The following CTSW variants were observed in gnomAD, a reference collection of about 807,000 sequenced individuals.
CTSW encodes the protein cathepsin W.
Under a neutral mutation model 43.8 loss-of-function variants are expected in CTSW, and 42 were observed. The ratio of observed to expected loss-of-function variants is 0.96; its 90% CI spans 0.75 to 1.24. The LOEUF is 1.24. Among genes scored for constraint, CTSW ranks in the 50% most tolerant of loss-of-function variants. The pLI, the probability that CTSW is intolerant of heterozygous loss-of-function variation, is 0.00. For synonymous variants in CTSW, 191 were observed against 184.8 expected (o/e 1.03, Z -0.27); for missense variants, 475 against 479.9 (o/e 0.99, Z 0.09).
At chr11:65,881,153 C>T (rs924036665) in intron 2 of CTSW, among the ~76,000 whole-genome samples, 6 of 152,140 alleles carry the variant, frequency 3.9e-5, no homozygotes, top group South Asian at 2.1e-4. Context: ...TCACCACCAC[C>T]GGACCCCTTG....
chr11:65,880,958 ACCCCTG>A (rs577066728), intron 2 of CTSW, among the ~76,000 whole-genome samples: 221 of 151,936 alleles, frequency 1.5e-3, no homozygotes, highest in Non-Finnish European at 2.6e-3. Context: ...CCATGATCTA[ACCCCTG>A]CCCCTGCCCT....
At chr11:65,880,143 G>A in intron 1 of CTSW, 59 bp from the exon 2 acceptor site, 1 of 1,523,320 alleles carries the variant, frequency 6.6e-7, no homozygotes, top group East Asian at 2.3e-5. Context: ...GAACTAAGGT[G>A]GGGCCCCAGC....
chr11:65,883,382 C>A lies in CTSW; in HGVS notation c.978C>A (p.Tyr326Ter). The change falls in exon 9 of 10, where the codon TAC becomes TAA. Residue 326 changes from tyrosine (Y) to a stop codon, truncating the protein, a stop_gained. Transcript: ENST00000307886. LOFTEE classifies it low-confidence loss of function (END_TRUNC). ...CTCAGCCTCCACACCCCACCCCATA[C>A]TGGATCCTGAAGAACTCCTGGGGGG... ...SQPQPPHPTP[Y>*]WILKNSWGAQ... 6.2e-7 allele frequency: 1 copy of A among 1,614,126 alleles called. No individual in the cohort carries two copies. Among genetic ancestry groups the A allele is most frequent in the South Asian group, 1.1e-5 (1 of 91,080 alleles).
At position 65,881,504 on chromosome 11, in the gene CTSW, A is replaced by G. The variant is rs1367371202; in HGVS notation, c.270A>G (p.Pro90=). 3 of 1,608,002 alleles carry G rather than the reference A, an allele frequency of 1.9e-6. No homozygotes were observed. Among genetic ancestry groups the G allele is most frequent in the East Asian group, 2.2e-5 (1 of 44,592 alleles). The part of the protein sequence containing the change: ...DLGTAEFGVT[P]FSDLTEEEFG... ...GCACAGCTGAGTTTGGGGTGACTCC[A>G]TTCAGTGACCTCACAGGTACCATTA... Residue 90 remains proline (P), a synonymous_variant, in exon 3 of 10, where the codon CCA becomes CCG. Coordinates refer to ENST00000307886, the MANE Select transcript of CTSW (RefSeq NM_001335.4).
In CTSW at chr11:65,883,713, A is replaced by G. The variant is rs994347735; in HGVS notation, c.*95A>G. On this transcript the variant is annotated 3_prime_UTR_variant, in exon 10 of 10. Coordinates refer to ENST00000307886, the MANE Select transcript of CTSW (RefSeq NM_001335.4). ...TTGCCCATCCTCCCAATCTCAATACAGCCTGAATAAACCAAGACAAGACCT... is the reference window on the plus strand; with the variant it reads ...TTGCCCATCCTCCCAATCTCAATACGGCCTGAATAAACCAAGACAAGACCT... 4.3e-5 allele frequency: 49 copies of G among 1,138,274 alleles called. No individual in the cohort carries two copies. Among genetic ancestry groups the G allele is most frequent in the Non-Finnish European group, 5.3e-5 (41 of 772,548 alleles). 70.5% of individuals were successfully genotyped at this position (1,138,274 alleles called of 1,614,324 possible). A position where few individuals can be genotyped will look rare whatever the true frequency, so the allele number is the denominator to read the frequency against.
Position 65,883,715 on chromosome 11 carries a change from C to A in CTSW, c.*97C>A. ...GCCCATCCTCCCAATCTCAATACAG[C>A]CTGAATAAACCAAGACAAGACCTCT... On this transcript the variant is annotated 3_prime_UTR_variant, in exon 10 of 10. Transcript: ENST00000307886. 1.8e-6 allele frequency: 2 copies of A among 1,094,034 alleles called. No individual in the cohort carries two copies. Among genetic ancestry groups the A allele is most frequent in the Non-Finnish European group, 2.7e-6 (2 of 734,338 alleles). 67.8% of individuals were successfully genotyped at this position (1,094,034 alleles called of 1,614,324 possible). A position where few individuals can be genotyped will look rare whatever the true frequency, so the allele number is the denominator to read the frequency against.
chr11:65,882,952 G>T, intron 7 of CTSW, 48 bp downstream of exon 7: 1 of 1,612,758 alleles, frequency 6.2e-7, no homozygotes, highest in South Asian at 1.1e-5. Flanking sequence ...CAGACACCGG[G>T]GCAGAGGCAG....
At chr11:65,881,323 T>A in intron 2 of CTSW, 84 bp from the exon 3 acceptor site, 1 of 840,678 alleles carries the variant, frequency 1.2e-6, no homozygotes, top group Non-Finnish European at 1.8e-6. Flanking sequence ...TGGGTGGGTG[T>A]GGGTGGAAGG....
In CTSW at chr11:65,883,142, G is replaced by C; in HGVS notation, c.810+9G>C. The C allele has an allele frequency of 6.2e-7, 1 of 1,614,038 alleles. No individual in the cohort carries two copies. ...ACATGAAGCCCCTTCAGGTGAGATG[G>C]GGGAGCTGATGGGGAAGGGGCATAC... On this transcript the variant is annotated intron_variant, in intron 8 of 9. Transcript: ENST00000307886.
intron 2 of CTSW, among the ~76,000 whole-genome samples, chr11:65,880,961 C>T (rs781662621): frequency 2.0e-5 from 3 of 151,760 alleles, no homozygotes; most frequent in South Asian, 2.1e-4. Flanking sequence ...TGATCTAACC[C>T]CTGCCCCTGC....
intron 2 of CTSW, 41 bp from the exon 3 acceptor site, chr11:65,881,366 G>T: frequency 6.9e-7 from 1 of 1,444,128 alleles, no homozygotes; most frequent in Admixed American, 2.1e-5. Context: ...CTGCCCCTAA[G>T]GGCTTGGGAG....
intron 1 of CTSW, 88 bp from the exon 2 acceptor site, chr11:65,880,114 C>A: frequency 7.6e-7 from 1 of 1,324,296 alleles, no homozygotes; most frequent in Non-Finnish European, 1.1e-6. Flanking sequence ...GACCCCTAGC[C>A]CAGTCCTTGC....
chr11:65,880,067 C>G lies in CTSW; in HGVS notation c.87+126C>G, dbSNP rs555201545. 63 of 1,184,060 alleles carry G rather than the reference C, an allele frequency of 5.3e-5. No individual in the cohort carries two copies. In the East Asian group the frequency reaches 1.5e-3, roughly 27 times the overall value. The allele number at this position is 1,184,060 out of a possible 1,614,324, so 73.3% of individuals were successfully genotyped here. A position where few individuals can be genotyped will look rare whatever the true frequency, so the allele number is the denominator to read the frequency against. On this transcript the variant is annotated intron_variant, in intron 1 of 9. Coordinates refer to ENST00000307886, the MANE Select transcript of CTSW (RefSeq NM_001335.4). ...AGGCTGGAGAGGGGGCTGACGTGCC[C>G]AAGGGCACATGGGAAGACAGAAAAG...
At chr11:65,880,181 C>T in intron 1 of CTSW, 21 bp from the exon 2 acceptor site, 1 of 1,608,696 alleles carries the variant, frequency 6.2e-7, no homozygotes, top group Non-Finnish European at 8.5e-7. Flanking sequence ...CTGCCCCTCT[C>T]CACCCTTGGT....
intron 6 of CTSW, 36 bp downstream of exon 6, chr11:65,882,725 G>C (rs1201290133): frequency 6.2e-7 from 1 of 1,614,206 alleles, no homozygotes; most frequent in Non-Finnish European, 8.5e-7. Flanking sequence ...GACATCTGCA[G>C]GGGGACAGGG....
At chr11:65,880,611 G>A in intron 2 of CTSW, 1 of 262,476 alleles carries the variant, frequency 3.8e-6, no homozygotes, top group Admixed American at 5.2e-5. Context: ...GTAAGCCACG[G>A]AGCCCAGCCA....
In CTSW at chr11:65,882,420, C is replaced by A. The variant is rs1860120664; in HGVS notation, c.442-10C>A. The A allele has an allele frequency of 1.9e-6, 3 of 1,614,102 alleles. No individual in the cohort carries two copies. The highest frequency in any genetic ancestry group is 2.5e-6 in the Non-Finnish European group (3 of 1,180,000). On this transcript the variant is annotated splice_polypyrimidine_tract_variant and intron_variant, in intron 4 of 9. Transcript: ENST00000307886. ...AACACCTAGCCCCGCCCCACCCTCT[C>A]GCCCTCCAGAAAAACTGCAACTGCT...
Position 65,880,305 on chromosome 11 carries a change from A to T in CTSW, c.172+19A>T. 6.3e-7 allele frequency: 1 copy of T among 1,592,888 alleles called. No homozygotes were observed. Among genetic ancestry groups the T allele is most frequent in the Non-Finnish European group, 8.6e-7 (1 of 1,166,460 alleles). ...CCAGAAGGTATCACAGGGCACATAC[A>T]TCTCCAGTCCAAGCCCCCACTTTTT... On this transcript the variant is annotated intron_variant, in intron 2 of 9. Transcript: ENST00000307886.
At position 65,879,978 on chromosome 11, in the gene CTSW, C is replaced by T. The variant is rs377654012; in HGVS notation, c.87+37C>T. ...CAAACCCTTACCTATGCCAGTCCCA[C>T]GCCTGGGGTCACCCCTTCAGAAACA... On this transcript the variant is annotated intron_variant, in intron 1 of 9. Transcript: ENST00000307886. 39 of 1,542,558 alleles carry T rather than the reference C, an allele frequency of 2.5e-5. No individual in the cohort carries two copies. In the South Asian group the frequency reaches 2.6e-4, roughly 10 times the overall value.
Sources: allele counts gnomAD v4.1 joint callset (sites outside exome capture counted in the v4.1 genomes callset), GRCh38; gene constraint gnomAD v4.1.1; transcripts MANE v1.5; gene names NCBI Gene and HGNC (gene_info 2026-07-23, HGNC 2026-07-21).